MLIP: variants seen among roughly 807,000 people sequenced by gnomAD.
MLIP encodes the protein muscular LMNA interacting protein, also known as muscular LMNA-interacting protein.
Under a neutral mutation model 84.8 loss-of-function variants are expected in MLIP, and 79 were observed. The ratio of observed to expected loss-of-function variants is 0.93; its 90% confidence interval spans 0.78 to 1.12. The LOEUF is 1.12. MLIP is among the 50% of genes most tolerant of loss of function. The probability of loss-of-function intolerance (pLI) is 0.00; values close to 1 mark genes in which losing one functional copy is unlikely to be tolerated. For missense variants in MLIP, 1,257 were observed against 1,160.6 expected (o/e 1.08, Z -1.21); for synonymous variants, 504 against 463.0 (o/e 1.09, Z -1.14).
chr6:54,119,567 G>C (rs980815272), intron 1 of MLIP, among the ~76,000 whole-genome samples: 3 of 152,034 alleles, frequency 2.0e-5, no homozygotes, highest in Non-Finnish European at 4.4e-5. Context: ...AGGAGATGTT[G>C]GTCAAAATAT....
At position 54,266,034 on chromosome 6, in the gene MLIP, T is replaced by G. The variant is rs562202171; in HGVS notation, c.*79T>G. ...GCTAACCACTTGCTAGATTTAACTT[T>G]TTTTTTTTTTTCCAGAATGAGTGCT... On this transcript the variant is annotated 3_prime_UTR_variant, in exon 14 of 14. Coordinates refer to ENST00000502396, the MANE Select transcript of MLIP (RefSeq NM_001281747.2). The G allele has an allele frequency of 1.1e-4, 161 of 1,402,854 alleles. 1 individual carries two copies. In the African/African-American group the frequency reaches 2.5e-3, roughly 22 times the overall value. 86.9% of individuals were successfully genotyped at this position (1,402,854 alleles called of 1,614,324 possible).
intron 10 of MLIP, among the ~76,000 whole-genome samples, chr6:54,196,295 C>A (rs1778290165): frequency 1.3e-5 from 2 of 152,088 alleles, no homozygotes; most frequent in African/African-American, 4.8e-5. Context: ...ACCATCACTT[C>A]TGTATTAAGC....
At chr6:54,109,613 C>T (rs967255071), upstream of MLIP, among the ~76,000 whole-genome samples, 1 of 152,018 alleles carries the variant, frequency 6.6e-6, no homozygotes, top group African/African-American at 2.4e-5. Flanking sequence ...TTTCCCTTTC[C>T]CCGTTCTTCT....
intron 1 of MLIP, among the ~76,000 whole-genome samples, chr6:54,091,056 G>A (rs533023371): frequency 6.4e-4 from 97 of 152,088 alleles, no homozygotes; most frequent in African/African-American, 2.2e-3. Flanking sequence ...ATTTAGAAAC[G>A]TCCCTTGCCT....
At chr6:54,093,740 G>A (rs1224176108) in intron 1 of MLIP, among the ~76,000 whole-genome samples, 3 of 152,180 alleles carry the variant, frequency 2.0e-5, no homozygotes, top group Non-Finnish European at 4.4e-5. Context: ...TATTCCCTCT[G>A]CTACTGGCCC....
Position 54,158,384 on chromosome 6 carries a change from C to T in MLIP, c.2290-1983C>T, listed in dbSNP as rs187047266. On this transcript the variant is annotated intron_variant, in intron 5 of 13. Transcript: ENST00000502396. ...ATCTACCAGAACATATATATTCAAG[C>T]GACGATATTTCTCTTGAAAATAACT... Among the ~76,000 whole-genome samples the T allele has an allele frequency of 2.7e-4, 41 of 152,140 alleles. No homozygotes were observed. The East Asian group carries it at 2.7e-3, about 10-fold the overall frequency.
At chr6:54,142,066 A>C (rs758767017) in intron 4 of MLIP, among the ~76,000 whole-genome samples, 2 of 152,200 alleles carry the variant, frequency 1.3e-5, no homozygotes, top group African/African-American at 4.8e-5. Flanking sequence ...GACTTTCTTC[A>C]TTTCTGCAGA....
intron 1 of MLIP, among the ~76,000 whole-genome samples, chr6:54,114,439 T>C (rs531008632): frequency 6.6e-6 from 1 of 152,234 alleles, no homozygotes; most frequent in Non-Finnish European, 1.5e-5. Context: ...TTGCAGTTAT[T>C]CAGTTCAAAA....
chr6:54,161,032 G>T (rs901282368), intron 8 of MLIP, among the ~76,000 whole-genome samples: 3 of 151,812 alleles, frequency 2.0e-5, no homozygotes, highest in African/African-American at 7.3e-5. Flanking sequence ...GTGTATACAG[G>T]GTTGCAAAGT....
chr6:54,265,636 A>G (rs969397846), intron 13 of MLIP, among the ~76,000 whole-genome samples: 3 of 152,052 alleles, frequency 2.0e-5, no homozygotes, highest in South Asian at 4.1e-4. Flanking sequence ...TGGGTGAGAT[A>G]TAACAGTGCT....
At chr6:54,172,327 G>C (rs2150601753) in intron 9 of MLIP, among the ~76,000 whole-genome samples, 1 of 151,680 alleles carries the variant, frequency 6.6e-6, no homozygotes, top group South Asian at 2.1e-4. Context: ...TTCTAGCTCT[G>C]TTATTCAGTT....
At chr6:54,035,675 G>A (rs1764392122) in intron 1 of MLIP, among the ~76,000 whole-genome samples, 2 of 151,884 alleles carry the variant, frequency 1.3e-5, no homozygotes, top group South Asian at 4.2e-4. Flanking sequence ...GTGTGTGGTG[G>A]TATCTTATCA....
intron 9 of MLIP, among the ~76,000 whole-genome samples, chr6:54,180,634 T>C (rs1776757890): frequency 6.6e-6 from 1 of 152,234 alleles, no homozygotes; most frequent in African/African-American, 2.4e-5. Flanking sequence ...TCTGATGCAT[T>C]CTGCAGTATG....
In MLIP at chr6:54,082,237, C is replaced by T. The variant is rs987527336; in HGVS notation, c.64-39210C>T. On this transcript the variant is annotated intron_variant, in intron 1 of 12. Transcript: ENST00000274897. ...ATATATTATATTTATTTATCTATTC[C>T]TCTGTTGATGGGCATTTAGATAATT... 4.6e-5 allele frequency among the ~76,000 whole-genome samples: 7 copies of T among 151,794 alleles called. No homozygotes were observed. The East Asian group carries it at 9.7e-4, about 21-fold the overall frequency.
intron 1 of MLIP, among the ~76,000 whole-genome samples, chr6:54,102,794 C>T (rs1200049457): frequency 6.6e-6 from 1 of 152,128 alleles, no homozygotes; most frequent in East Asian, 1.9e-4. Context: ...AAATACATTT[C>T]CCATCACAGT....
chr6:54,236,739 A>G lies in MLIP; in HGVS notation c.2922+5822A>G, dbSNP rs542725648. On this transcript the variant is annotated intron_variant, in intron 12 of 13. Coordinates refer to ENST00000502396, the MANE Select transcript of MLIP (RefSeq NM_001281747.2). ...TGTTGAAGGGCTTTCTAATGTTCCT[A>G]TGCTCAAGAAGGCTATGATGTGTCT... Among the ~76,000 whole-genome samples, 3 of 152,290 alleles carry G rather than the reference A, an allele frequency of 2.0e-5. No individual in the cohort carries two copies. The East Asian group carries it at 5.8e-4, about 29-fold the overall frequency.
At chr6:54,023,121 T>C (rs1049365991) in intron 1 of MLIP, among the ~76,000 whole-genome samples, 2 of 151,186 alleles carry the variant, frequency 1.3e-5, no homozygotes, top group Non-Finnish European at 1.5e-5. Context: ...GAGCTGAGAT[T>C]GCGCCACTGC....
At chr6:54,154,137 G>A (rs1243896234) in intron 5 of MLIP, among the ~76,000 whole-genome samples, 2 of 151,956 alleles carry the variant, frequency 1.3e-5, no homozygotes, top group East Asian at 1.9e-4. Flanking sequence ...TCTTGAAGAG[G>A]CAGATATACT....
At chr6:54,179,695 C>A (rs144947192) in intron 9 of MLIP, among the ~76,000 whole-genome samples, 1 of 151,896 alleles carries the variant, frequency 6.6e-6, no homozygotes, top group Non-Finnish European at 1.5e-5. Flanking sequence ...TAATAAAAAC[C>A]CTACACTTTA....
Sources: gnomAD v4.1 joint callset for allele counts (sites outside exome capture counted in the v4.1 genomes callset) on GRCh38, gnomAD v4.1.1 for gene constraint, MANE v1.5 for transcripts, NCBI Gene and HGNC (gene_info 2026-07-23, HGNC 2026-07-21) for gene names.